XPR1: variants seen among roughly 807,000 people sequenced by gnomAD.
XPR1 encodes solute carrier family 53 member 1.
In XPR1, 28 loss-of-function variants were observed where a neutral mutation model predicts 87.5. The ratio of observed to expected loss-of-function variants is 0.32; its 90% CI spans 0.24 to 0.44. The LOEUF is 0.44. Ranked by LOEUF, XPR1 falls within the 20% of genes least tolerant of loss-of-function variation. XPR1 has a pLI of 1.00. For missense variants in XPR1, 559 were observed against 862.3 expected (o/e 0.65, Z 4.41); for synonymous variants, 300 against 306.1 (o/e 0.98, Z 0.21).
rs543267834 is a variant in XPR1, at chr1:180,887,586, C to G, written c.*3520C>G. ...TGTAAGATTGGAAAGTAGTCAAAAA[C>G]CCATGTGCAACTTTTTTTCAGCACT... On this transcript the variant is annotated 3_prime_UTR_variant, in exon 15 of 15. Transcript: ENST00000367590. 3.3e-5 allele frequency: 5 copies of G among 152,278 alleles called. No homozygotes were observed. The highest frequency in any genetic ancestry group is 9.6e-5 in the African/African-American group (4 of 41,556). 9.4% of individuals were successfully genotyped at this position (152,278 alleles called of 1,614,324 possible).
chr1:180,797,962 C>T (rs967972032), intron 3 of XPR1, among the ~76,000 whole-genome samples: 3 of 152,102 alleles, frequency 2.0e-5, no homozygotes, highest in Non-Finnish European at 4.4e-5. Flanking sequence ...ATAAGACAAA[C>T]ACATTTACAA....
Position 180,860,802 on chromosome 1 carries a change from T to TA in XPR1, c.1502-2892dup, listed in dbSNP as rs201858737. ...TTTGTCAAAATGAGCAGGATGTGAC[T>TA]AAAAAAAAAAAAAAGAAATAACATG... is the stretch of plus-strand genomic sequence containing the variant. On this transcript the variant is annotated intron_variant, in intron 11 of 14. Coordinates refer to ENST00000367590, the MANE Select transcript of XPR1 (RefSeq NM_004736.4). Among the ~76,000 whole-genome samples, 757 of 128,678 alleles carry TA rather than the reference T, an allele frequency of 5.9e-3. 7 individuals carry two copies. The highest frequency in any genetic ancestry group is 0.014 in the African/African-American group (501 of 34,918). 84.4% of individuals were successfully genotyped at this position (128,678 alleles called of 152,430 possible). A position where few individuals can be genotyped will look rare whatever the true frequency, so the allele number is the denominator to read the frequency against.
At chr1:180,834,080 G>A (rs978145662) in intron 9 of XPR1, among the ~76,000 whole-genome samples, 1 of 149,426 alleles carries the variant, frequency 6.7e-6, no homozygotes, top group Admixed American at 6.6e-5. Flanking sequence ...TGTACATATT[G>A]TAATAATTTT....
At chr1:180,713,611 CT>C (rs1433687472) in intron 2 of XPR1, among the ~76,000 whole-genome samples, 1 of 151,958 alleles carries the variant, frequency 6.6e-6, no homozygotes, top group African/African-American at 2.4e-5. Context: ...TTGTTAGGTG[CT>C]TTTTTCATAT....
At position 180,632,119 on chromosome 1, in the gene XPR1, C is replaced by CA. The variant is rs1654602735; in HGVS notation, c.-82dup. 1 of 1,504,526 alleles carries CA rather than the reference C, an allele frequency of 6.6e-7. No individual in the cohort carries two copies. The highest frequency in any genetic ancestry group is 1.9e-5 in the Admixed American group (1 of 51,314). The allele number at this position is 1,504,526 out of a possible 1,614,324, so 93.2% of individuals were successfully genotyped here. On this transcript the variant is annotated 5_prime_UTR_variant, in exon 1 of 15. The change creates a new upstream start codon in the 5' untranslated region. Transcript: ENST00000367590. Reference sequence around the variant, plus strand: ...CGCAGCGCCGCGCCGCGCCGGGGCCCATGTGGGGAGGAGTCGGAGTCGCTG... The same window carrying CA: ...CGCAGCGCCGCGCCGCGCCGGGGCCCAATGTGGGGAGGAGTCGGAGTCGCTG...
chr1:180,750,392 G>T (rs1052906397), intron 2 of XPR1, among the ~76,000 whole-genome samples: 2 of 152,102 alleles, frequency 1.3e-5, no homozygotes, highest in Non-Finnish European at 2.9e-5. Flanking sequence ...TTACTAATCA[G>T]GGAAAAGTAA....
chr1:180,763,062 GTT>G (rs1648115286), intron 2 of XPR1, among the ~76,000 whole-genome samples: 1 of 152,182 alleles, frequency 6.6e-6, no homozygotes, highest in Non-Finnish European at 1.5e-5. Context: ...CTTGACAGCT[GTT>G]CATCCTCCAG....
intron 11 of XPR1, among the ~76,000 whole-genome samples, chr1:180,860,575 T>A (rs772340498): frequency 3.8e-4 from 58 of 152,148 alleles, no homozygotes; most frequent in Non-Finnish European, 7.1e-4. Context: ...TTTAATATAT[T>A]ATGTTAAGTG....
chr1:180,677,538 G>A (rs1656408895), intron 1 of XPR1, among the ~76,000 whole-genome samples: 1 of 152,120 alleles, frequency 6.6e-6, no homozygotes, highest in Admixed American at 6.6e-5. Context: ...CAGCTCAGAG[G>A]ACAGGGTCTG....
chr1:180,751,483 T>C (rs1214706442), intron 2 of XPR1, among the ~76,000 whole-genome samples: 1 of 152,072 alleles, frequency 6.6e-6, no homozygotes, highest in African/African-American at 2.4e-5. Flanking sequence ...TTACAGAAAA[T>C]TGAAGTCTCT....
intron 2 of XPR1, among the ~76,000 whole-genome samples, chr1:180,685,230 T>A (rs1656723197): frequency 6.6e-6 from 1 of 152,240 alleles, no homozygotes. Context: ...CTTTTCTGCA[T>A]CTATTGAGAT....
At chr1:180,853,791 G>GTTTTTTTTTTTTTTTT (rs374408714) in intron 11 of XPR1, among the ~76,000 whole-genome samples, 2 of 109,446 alleles carry the variant, frequency 1.8e-5, no homozygotes, top group African/African-American at 3.5e-5. Flanking sequence ...CATTCATGTG[G>GTTTTTTTTTTTTTTTT]TTTTTTTTTT....
chr1:180,722,172 ATGGGAGGATGGCTTGAGCC>A (rs1445008375), intron 2 of XPR1, among the ~76,000 whole-genome samples: 1 of 152,074 alleles, frequency 6.6e-6, no homozygotes, highest in Non-Finnish European at 1.5e-5. Context: ...AGAGGCTGAG[ATGGGAGGATGGCTTGAGCC>A]TGGGAGGTCA....
At position 180,715,924 on chromosome 1, in the gene XPR1, C is replaced by A. The variant is rs138944697; in HGVS notation, c.121+33513C>A. The stretch of plus-strand genomic sequence containing the variant: ...CCGACCTCAGATGATCAGCCCACCT[C>A]AGCCTCCCAAAGTGCTGGGATTACA... On this transcript the variant is annotated intron_variant, in intron 2 of 14. Coordinates refer to ENST00000367590, the MANE Select transcript of XPR1 (RefSeq NM_004736.4). Among the ~76,000 whole-genome samples the A allele has an allele frequency of 7.0e-3, 1,073 of 152,260 alleles. 10 individuals carry two copies. The highest frequency in any genetic ancestry group is 0.012 in the Non-Finnish European group (798 of 68,014).
At chr1:180,790,633 G>A (rs911636367) in intron 3 of XPR1, among the ~76,000 whole-genome samples, 3 of 152,060 alleles carry the variant, frequency 2.0e-5, no homozygotes, top group African/African-American at 4.8e-5. Flanking sequence ...TCTGCCTCCC[G>A]GGTTCACGTC....
Position 180,748,745 on chromosome 1 carries a change from A to C in XPR1, c.122-39008A>C, listed in dbSNP as rs1025224501. 7.9e-5 allele frequency among the ~76,000 whole-genome samples: 12 copies of C among 152,186 alleles called. No individual in the cohort carries two copies. The East Asian group carries it at 2.3e-3, about 29-fold the overall frequency. ...TATGTCTGTTATATCTGTATGGTGA[A>C]ATACTGTATAAAGATGTGCTGCTTG... On this transcript the variant is annotated intron_variant, in intron 2 of 14. Coordinates refer to ENST00000367590, the MANE Select transcript of XPR1 (RefSeq NM_004736.4).
At chr1:180,704,245 G>GAGATATATATAT (rs1553238721) in intron 2 of XPR1, among the ~76,000 whole-genome samples, 3 of 66,028 alleles carry the variant, frequency 4.5e-5, no homozygotes, top group East Asian at 3.6e-4. Context: ...ATAGGTGCTG[G>GAGATATATATAT]ATATATATAT....
chr1:180,731,462 A>G (rs773287699), intron 2 of XPR1, among the ~76,000 whole-genome samples: 1 of 152,214 alleles, frequency 6.6e-6, no homozygotes, highest in African/African-American at 2.4e-5. Flanking sequence ...AAGGAGGCCT[A>G]TGGTGCTGTG....
chr1:180,656,377 T>TA (rs1236341456), intron 1 of XPR1, among the ~76,000 whole-genome samples: 2 of 95,014 alleles, frequency 2.1e-5, no homozygotes, highest in East Asian at 2.5e-4. Flanking sequence ...TATTTATATA[T>TA]AATATTCATG....
Sources: allele counts gnomAD v4.1 joint callset (sites outside exome capture counted in the v4.1 genomes callset), GRCh38; gene constraint gnomAD v4.1.1; transcripts MANE v1.5; gene names NCBI Gene and HGNC (gene_info 2026-07-23, HGNC 2026-07-21).